RNF2: variants seen among roughly 807,000 people sequenced by gnomAD.
RNF2 encodes E3 ubiquitin-protein ligase RING2.
RNF2 carries 6 observed loss-of-function variants against 37.2 expected under a neutral mutation model. The observed-to-expected ratio is 0.16, with a 90% confidence interval of 0.09 to 0.32. The LOEUF (loss-of-function observed/expected upper bound fraction) is 0.32, where lower values mean the gene tolerates loss of function less well. Among genes scored for constraint, RNF2 ranks in the 10% least tolerant of loss-of-function variants. The pLI, the probability that RNF2 is intolerant of heterozygous loss-of-function variation, is 1.00. For missense variants in RNF2, 251 were observed against 404.0 expected (o/e 0.62, Z 3.25); for synonymous variants, 133 against 132.7 (o/e 1.00, Z -0.02).
intron 1 of RNF2, among the ~76,000 whole-genome samples, chr1:185,076,108 C>CTAGCTA (rs1239451657): frequency 6.6e-6 from 1 of 151,020 alleles, no homozygotes; most frequent in African/African-American, 2.4e-5. Context: ...TATTTTTTTC[C>CTAGCTA]TAGCTATTGT....
intron 5 of RNF2, among the ~76,000 whole-genome samples, chr1:185,099,011 A>C (rs1028038140): frequency 6.7e-6 from 1 of 148,836 alleles, no homozygotes; most frequent in African/African-American, 2.5e-5. Flanking sequence ...TGGCCTCCCA[A>C]AGTGCTGGGA....
chr1:185,082,367 T>TTTTTTTTTTTTTG (rs60213064), intron 1 of RNF2, among the ~76,000 whole-genome samples: 2 of 113,204 alleles, frequency 1.8e-5, no homozygotes, highest in African/African-American at 6.9e-5. Flanking sequence ...TTTTTTTTTT[T>TTTTTTTTTTTTTG]GAAGACAGAG....
chr1:185,053,530 A>C (rs546562486), intron 1 of RNF2, among the ~76,000 whole-genome samples: 7 of 150,820 alleles, frequency 4.6e-5, no homozygotes, highest in South Asian at 2.1e-4. Context: ...TTTTTTCTTT[A>C]TTTTTGTAGA....
At position 185,098,224 on chromosome 1, in the gene RNF2, A is replaced by T. The variant is rs1307080247; in HGVS notation, c.617A>T (p.Glu206Val). The change falls in exon 5 of 7, where the codon GAG becomes GTG. Residue 206 changes from glutamate (E) to valine (V), a missense_variant. This residue lies in a region of RNF2 where 94 missense variants were observed against 99.2 expected (regional missense o/e 0.95). Coordinates refer to ENST00000367510, the MANE Select transcript of RNF2 (RefSeq NM_007212.4). ...RTKTSDDSGL[E>V]LDNNNAAMAI... ...AAAACATCTGATGATTCTGGGCTAG[A>T]GCTTGATAATAACAATGCAGCAATG... 1 of 1,614,198 alleles carries T rather than the reference A, an allele frequency of 6.2e-7. No individual in the cohort carries two copies. The highest frequency in any genetic ancestry group is 8.5e-7 in the Non-Finnish European group (1 of 1,180,030).
At chr1:185,085,250 G>A (rs1216652139) in intron 1 of RNF2, among the ~76,000 whole-genome samples, 1 of 143,124 alleles carries the variant, frequency 7.0e-6, no homozygotes, top group Non-Finnish European at 1.5e-5. Context: ...CCGGGTTCAT[G>A]CTATTCTCCT....
At chr1:185,059,639 CAT>C (rs1650542911) in intron 1 of RNF2, among the ~76,000 whole-genome samples, 1 of 152,102 alleles carries the variant, frequency 6.6e-6, no homozygotes, top group South Asian at 2.1e-4. Context: ...TAGTAATAAT[CAT>C]ATGTTTGGTT....
intron 1 of RNF2, among the ~76,000 whole-genome samples, chr1:185,085,142 T>C: frequency 7.7e-6 from 1 of 129,594 alleles, no homozygotes; most frequent in Non-Finnish European, 1.6e-5. Flanking sequence ...CTTCTTTCTT[T>C]TTCTTTTTTT....
At chr1:185,084,348 G>T (rs1651517244) in intron 1 of RNF2, among the ~76,000 whole-genome samples, 5 of 152,158 alleles carry the variant, frequency 3.3e-5, no homozygotes, top group African/African-American at 1.2e-4. Context: ...TGGTTGTTTG[G>T]GGGAGAAGAC....
At chr1:185,100,024 C>A in intron 6 of RNF2, 62 bp downstream of exon 6, 2 of 1,459,960 alleles carry the variant, frequency 1.4e-6, no homozygotes, top group South Asian at 1.2e-5. Flanking sequence ...AACTGAGTGG[C>A]AAGTGGTGGG....
At chr1:185,085,145 C>CTT (rs71555455) in intron 1 of RNF2, among the ~76,000 whole-genome samples, 23,666 of 102,972 alleles carry the variant, frequency 0.23, 3,149 homozygotes, top group Non-Finnish European at 0.27. Context: ...CTTTCTTTTT[C>CTT]TTTTTTTTTT....
chr1:185,100,363 T>A lies in RNF2; in HGVS notation c.*62T>A. The A allele has an allele frequency of 4.7e-6, 5 of 1,065,542 alleles. No individual in the cohort carries two copies. The highest frequency in any genetic ancestry group is 7.0e-6 in the Non-Finnish European group (5 of 712,174). 66.0% of individuals were successfully genotyped at this position (1,065,542 alleles called of 1,614,324 possible). A position where few individuals can be genotyped will look rare whatever the true frequency, so the allele number is the denominator to read the frequency against. ...TAGCCTATTTCTTTAATATTAAAGA[T>A]GTACTGGCATTACTTTTATGGACAG... On this transcript the variant is annotated 3_prime_UTR_variant, in exon 7 of 7. Transcript: ENST00000367510.
chr1:185,097,568 C>A (rs1260191394), intron 4 of RNF2, among the ~76,000 whole-genome samples: 1 of 152,242 alleles, frequency 6.6e-6, no homozygotes, highest in Admixed American at 6.5e-5. Flanking sequence ...TAGCGTCTTA[C>A]TCTGGCCCAG....
At chr1:185,080,828 T>C (rs899782402) in intron 1 of RNF2, among the ~76,000 whole-genome samples, 8 of 152,186 alleles carry the variant, frequency 5.3e-5, no homozygotes, top group Non-Finnish European at 8.8e-5. Flanking sequence ...TCTAGAAATA[T>C]AATACTTCAG....
chr1:185,087,599 A>G lies in RNF2; in HGVS notation c.46A>G (p.Thr16Ala). The change falls in exon 2 of 7, where the codon ACA (threonine) becomes GCA (alanine). Residue 16 changes from threonine to alanine, a missense_variant. Thr to Ala is a moderately conservative substitution (Grantham distance 58). Transcript: ENST00000367510. Reference sequence around the variant, plus strand: ...AAACGGAACTCAACCATTAAGCAAAACATGGGAACTCAGTTTATATGAGTT... The same window carrying G: ...AAACGGAACTCAACCATTAAGCAAAGCATGGGAACTCAGTTTATATGAGTT... ...QTNGTQPLSK[T>A]WELSLYELQR... is the part of the protein sequence containing the mutation. The G allele has an allele frequency of 1.2e-6, 2 of 1,614,172 alleles. No individual in the cohort carries two copies. The highest frequency in any genetic ancestry group is 1.7e-6 in the Non-Finnish European group (2 of 1,180,004).
At position 185,072,149 on chromosome 1, in the gene RNF2, G is replaced by A. The variant is rs76748674; in HGVS notation, c.-2-15403G>A. 834 of 152,676 alleles carry A rather than the reference G, an allele frequency of 5.5e-3. 32 individuals are homozygous for A. The East Asian group carries it at 0.085, about 16-fold the overall frequency. 9.5% of individuals were successfully genotyped at this position (152,676 alleles called of 1,614,324 possible). A position where few individuals can be genotyped will look rare whatever the true frequency, so the allele number is the denominator to read the frequency against. On this transcript the variant is annotated intron_variant, in intron 1 of 6. Coordinates refer to ENST00000367510, the MANE Select transcript of RNF2 (RefSeq NM_007212.4). ...AGGGTGCTGTGAGGAGGTAGCAGGG[G>A]GCTGACTCTGAGGTGCTGGCTAGGG...
chr1:185,061,160 C>G (rs1011407682), intron 1 of RNF2, among the ~76,000 whole-genome samples: 20 of 146,036 alleles, frequency 1.4e-4, no homozygotes, highest in African/African-American at 5.2e-4. Flanking sequence ...CGGAATCTCG[C>G]TCTGACGCCC....
At chr1:185,067,113 T>C (rs900894784) in intron 1 of RNF2, among the ~76,000 whole-genome samples, 1 of 152,216 alleles carries the variant, frequency 6.6e-6, no homozygotes, top group African/African-American at 2.4e-5. Flanking sequence ...AAAGATACAA[T>C]CAAATTAGGA....
At chr1:185,050,174 T>C (rs1306599425) in intron 1 of RNF2, among the ~76,000 whole-genome samples, 1 of 152,242 alleles carries the variant, frequency 6.6e-6, no homozygotes, top group East Asian at 1.9e-4. Context: ...ATCTTCTGTA[T>C]GCCAGACCCT....
At chr1:185,070,764 G>A (rs908692393) in intron 1 of RNF2, among the ~76,000 whole-genome samples, 1 of 150,630 alleles carries the variant, frequency 6.6e-6, no homozygotes, top group Non-Finnish European at 1.5e-5. Flanking sequence ...TCAGCCTCCC[G>A]AGTAGCTGGG....
Sources: allele counts gnomAD v4.1 joint callset (sites outside exome capture counted in the v4.1 genomes callset), GRCh38; gene constraint gnomAD v4.1.1; regional missense constraint gnomAD v4.1.1; transcripts MANE v1.5; gene names NCBI Gene and HGNC (gene_info 2026-07-23, HGNC 2026-07-21).